The following PDZD8 variants were observed in gnomAD, a reference collection of about 807,000 sequenced individuals.
PDZD8 encodes the protein PDZ domain-containing protein 8.
A neutral mutation model predicts 85.8 loss-of-function variants in PDZD8; 14 were observed. The ratio of observed to expected loss-of-function variants is 0.16; its 90% confidence interval spans 0.11 to 0.26. The LOEUF (loss-of-function observed/expected upper bound fraction) is 0.26, where lower values mean the gene tolerates loss of function less well. Ranked by LOEUF, PDZD8 falls within the 10% of genes least tolerant of loss-of-function variation. The pLI, the probability that PDZD8 is intolerant of heterozygous loss-of-function variation, is 1.00. For missense variants in PDZD8, 1,197 were observed against 1,424.3 expected (o/e 0.84, Z 2.57); for synonymous variants, 592 against 568.6 (o/e 1.04, Z -0.59).
At chr10:117,359,735 A>G (rs1844963959) in intron 1 of PDZD8, among the ~76,000 whole-genome samples, 1 of 152,104 alleles carries the variant, frequency 6.6e-6, no homozygotes, top group African/African-American at 2.4e-5. Context: ...CAAACAAACA[A>G]AAAGTCAGCA....
At chr10:117,347,620 C>A (rs993649843) in intron 1 of PDZD8, among the ~76,000 whole-genome samples, 2 of 150,392 alleles carry the variant, frequency 1.3e-5, no homozygotes, top group African/African-American at 4.9e-5. Flanking sequence ...AAATATTTTA[C>A]AGAGTTTGAC....
In PDZD8 at chr10:117,333,133, A is replaced by AAAAAAAC. The variant is rs1564703051; in HGVS notation, c.995+7846_995+7847insGTTTTTT. Among the ~76,000 whole-genome samples the AAAAAAAC allele has an allele frequency of 4.0e-5, 6 of 149,472 alleles. No homozygotes were observed. In the South Asian group the frequency reaches 6.3e-4, roughly 16 times the overall value. On this transcript the variant is annotated intron_variant, in intron 2 of 4. Transcript: ENST00000334464. ...ACTCTGTCTCAAAAAAAAAAAAAAA[A>AAAAAAAC]AAAAAAAAAAGGGGATATGGAGGCA...
chr10:117,287,909 A>G (rs1844693875), intron 4 of PDZD8, among the ~76,000 whole-genome samples: 1 of 152,232 alleles, frequency 6.6e-6, no homozygotes, highest in Non-Finnish European at 1.5e-5. Context: ...CAGCAAAATT[A>G]TAGTTTGACA....
intron 2 of PDZD8, among the ~76,000 whole-genome samples, chr10:117,339,991 T>C (rs183700750): frequency 7.5e-4 from 114 of 152,288 alleles, no homozygotes; most frequent in Middle Eastern, 6.8e-3. Flanking sequence ...GAAAAGATCA[T>C]GTTGGTTGTT....
intron 2 of PDZD8, among the ~76,000 whole-genome samples, chr10:117,330,442 T>C (rs1478186931): frequency 2.0e-5 from 3 of 152,210 alleles, no homozygotes; most frequent in Admixed American, 2.0e-4. Flanking sequence ...AACTGTGTCT[T>C]GTTCTTTCTA....
chr10:117,346,069 C>T (rs901686694), intron 1 of PDZD8, among the ~76,000 whole-genome samples: 2 of 151,680 alleles, frequency 1.3e-5, no homozygotes, highest in Admixed American at 6.6e-5. Context: ...GATGAAATCC[C>T]GTCTCTACTA....
intron 3 of PDZD8, among the ~76,000 whole-genome samples, chr10:117,312,672 T>C (rs145423309): frequency 2.5e-4 from 38 of 152,318 alleles, no homozygotes; most frequent in Non-Finnish European, 4.6e-4. Context: ...TCCAGTAAGG[T>C]TGCTGACTAT....
chr10:117,374,245 C>G lies in PDZD8; in HGVS notation c.872+111G>C. 3 of 1,497,062 alleles carry G rather than the reference C, an allele frequency of 2.0e-6. No individual in the cohort carries two copies. Among genetic ancestry groups the G allele is most frequent in the Non-Finnish European group, 2.7e-6 (3 of 1,117,666 alleles). 92.7% of individuals were successfully genotyped at this position (1,497,062 alleles called of 1,614,324 possible). A position where few individuals can be genotyped will look rare whatever the true frequency, so the allele number is the denominator to read the frequency against. On this transcript the variant is annotated intron_variant, in intron 1 of 4. Transcript: ENST00000334464. The surrounding 1 kb of genome is among the most constrained non-coding windows in gnomAD (Gnocchi z 7.8). ...GGCCCTGTCCAGGGTGGGAAGGCCC[C>G]AGAAGCAGGCGCCAGGACAGAAATG...
rs566010538 is a variant in PDZD8, at chr10:117,323,691, G to GA, written c.996-4718dup. On this transcript the variant is annotated intron_variant, in intron 2 of 4. Transcript: ENST00000334464. Reference sequence around the variant, plus strand: ...AAGAGGCAGAACAGTATTCTCCTGAGAATGGTATCAGTGACCCAACAAGAC... The same window carrying GA: ...AAGAGGCAGAACAGTATTCTCCTGAGAAATGGTATCAGTGACCCAACAAGAC... 1.8e-4 allele frequency among the ~76,000 whole-genome samples: 28 copies of GA among 152,268 alleles called. No individual in the cohort carries two copies. The East Asian group carries it at 5.4e-3, about 29-fold the overall frequency.
At chr10:117,287,670 T>A (rs1252265907) in intron 4 of PDZD8, among the ~76,000 whole-genome samples, 1 of 152,170 alleles carries the variant, frequency 6.6e-6, no homozygotes, top group Non-Finnish European at 1.5e-5. Flanking sequence ...CCTGTTCAGA[T>A]CCTCCTGATA....
Position 117,290,197 on chromosome 10 carries a change from A to G in PDZD8, c.1250T>C (p.Ile417Thr), listed in dbSNP as rs144887455. The G allele has an allele frequency of 3.1e-6, 5 of 1,613,382 alleles. No homozygotes were observed. The highest frequency in any genetic ancestry group is 2.7e-5 in the African/African-American group (2 of 74,908). The change falls in exon 4 of 5, where the codon ATC (isoleucine) becomes ACC (threonine). Residue 417 changes from isoleucine to threonine, a missense_variant. By Grantham distance (89) the Ile-to-Thr change is moderately conservative. Around this residue, in one of 4 missense-constraint regions of PDZD8, gnomAD observed 344 missense variants for 453.6 expected, o/e 0.76. Coordinates refer to ENST00000334464, the MANE Select transcript of PDZD8 (RefSeq NM_173791.5). ...ATTAGCATAATTACCTCCAATGGCG[A>G]TAAGTCGATCTCCCCGCTGAAGATC... is the stretch of plus-strand genomic sequence containing the variant. ...IADLQRGDRL[I>T]AIGGVKITST...
chr10:117,303,281 A>G (rs1843878337), intron 3 of PDZD8, among the ~76,000 whole-genome samples: 2 of 152,186 alleles, frequency 1.3e-5, no homozygotes, highest in Non-Finnish European at 2.9e-5. Flanking sequence ...ATATTTTAGC[A>G]AAGAGACTGG....
Position 117,342,393 on chromosome 10 carries a change from T to TACACACACACACACACAC in PDZD8, c.873-1309_873-1292dup, listed in dbSNP as rs59113065. 2.1e-3 allele frequency among the ~76,000 whole-genome samples: 306 copies of TACACACACACACACACAC among 145,670 alleles called. 2 individuals are homozygous for TACACACACACACACACAC. Among genetic ancestry groups the TACACACACACACACACAC allele is most frequent in the Middle Eastern group, 0.011 (3 of 282 alleles). On this transcript the variant is annotated intron_variant, in intron 1 of 4. Transcript: ENST00000334464. ...GCTTCTTACTGACCACACAAACAGA[T>TACACACACACACACACAC]ACACACACACACACACACACACACA...
intron 1 of PDZD8, among the ~76,000 whole-genome samples, chr10:117,353,992 C>G (rs935260146): frequency 3.9e-5 from 6 of 151,976 alleles, no homozygotes; most frequent in Non-Finnish European, 7.4e-5. Context: ...AAACTTGCGC[C>G]CTTCTCTCCT....
At chr10:117,300,177 C>T (rs1214403945) in intron 3 of PDZD8, among the ~76,000 whole-genome samples, 2 of 152,138 alleles carry the variant, frequency 1.3e-5, no homozygotes, top group Non-Finnish European at 2.9e-5. Flanking sequence ...ACTGGGCCTG[C>T]TATTCCCTCA....
intron 3 of PDZD8, among the ~76,000 whole-genome samples, chr10:117,315,644 T>TA (rs540267530): frequency 1.5e-5 from 2 of 130,116 alleles, no homozygotes; most frequent in East Asian, 4.5e-4. Context: ...GAACTAGGGG[T>TA]AAAGCAACTG....
At chr10:117,295,732 A>C (rs1013604001) in intron 3 of PDZD8, among the ~76,000 whole-genome samples, 3 of 152,192 alleles carry the variant, frequency 2.0e-5, no homozygotes, top group African/African-American at 7.2e-5. Context: ...TTATCGTGTT[A>C]ACAAAACAAT....
intron 2 of PDZD8, among the ~76,000 whole-genome samples, chr10:117,336,817 G>A (rs1844523499): frequency 6.6e-6 from 1 of 151,832 alleles, no homozygotes; most frequent in Admixed American, 6.6e-5. Context: ...AAGAATAAGG[G>A]AAGACTCTTG....
chr10:117,321,806 A>T (rs1047534210), intron 2 of PDZD8, among the ~76,000 whole-genome samples: 3 of 152,178 alleles, frequency 2.0e-5, no homozygotes, highest in Admixed American at 2.0e-4. Context: ...ATATATTGTG[A>T]CAAGATTATA....
Sources: allele counts gnomAD v4.1 joint callset (sites outside exome capture counted in the v4.1 genomes callset), GRCh38; gene constraint gnomAD v4.1.1; regional missense constraint gnomAD v4.1.1; non-coding constraint Gnocchi (gnomAD v3.1); transcripts MANE v1.5; gene names NCBI Gene and HGNC (gene_info 2026-07-23, HGNC 2026-07-21).